Variants in IKZF2 observed in about 807,000 individuals in gnomAD.
IKZF2 encodes zinc finger protein Helios.
In IKZF2, 15 loss-of-function variants were observed where a neutral mutation model predicts 49.2. The observed-to-expected ratio is 0.30, with a 90% confidence interval of 0.20 to 0.47. The LOEUF (loss-of-function observed/expected upper bound fraction) is 0.47. IKZF2 is among the 20% of genes least tolerant of loss of function. The pLI, the probability that IKZF2 is intolerant of heterozygous loss-of-function variation, is 1.00. For synonymous variants in IKZF2, 227 were observed against 221.4 expected (o/e 1.03, Z -0.23); for missense variants, 567 against 664.6 (o/e 0.85, Z 1.61).
At chr2:213,058,349 T>C (rs188458191) in intron 4 of IKZF2, among the ~76,000 whole-genome samples, 24 of 152,138 alleles carry the variant, frequency 1.6e-4, no homozygotes, top group Admixed American at 1.4e-3. Context: ...ACGAGGATAG[T>C]GAGGAACTTA....
intron 7 of IKZF2, among the ~76,000 whole-genome samples, chr2:213,016,728 T>A (rs574719489): frequency 6.6e-6 from 1 of 152,128 alleles, no homozygotes; most frequent in Non-Finnish European, 1.5e-5. Context: ...TTCCATTAGA[T>A]CACTGTTTCA....
chr2:213,080,830 A>C (rs1703862709), intron 4 of IKZF2, among the ~76,000 whole-genome samples: 1 of 151,382 alleles, frequency 6.6e-6, no homozygotes, highest in East Asian at 1.9e-4. Context: ...ATTGCAACAC[A>C]TATGGAAGGA....
chr2:213,002,943 T>C lies in IKZF2; in HGVS notation c.*4417A>G, dbSNP rs1695027716. On this transcript the variant is annotated 3_prime_UTR_variant, in exon 9 of 9. Transcript: ENST00000434687. Reference sequence around the variant, plus strand: ...TCACAGGTAAAGTTTCACTCTATATTTTACCTGCATAATCTTGTAATCATA... The same window carrying C: ...TCACAGGTAAAGTTTCACTCTATATCTTACCTGCATAATCTTGTAATCATA... The C allele has an allele frequency of 6.6e-6, 1 of 151,944 alleles. No individual in the cohort carries two copies. Among genetic ancestry groups the C allele is most frequent in the Admixed American group, 6.6e-5 (1 of 15,180 alleles). The allele number at this position is 151,944 out of a possible 1,614,324, so 9.4% of individuals were successfully genotyped here.
intron 6 of IKZF2, among the ~76,000 whole-genome samples, chr2:213,029,614 G>C (rs369587486): frequency 6.6e-6 from 1 of 151,676 alleles, no homozygotes; most frequent in South Asian, 2.1e-4. Flanking sequence ...CTTACTAATG[G>C]TATGCCCAAC....
chr2:213,069,367 A>C (rs1401682792), intron 4 of IKZF2, among the ~76,000 whole-genome samples: 4 of 152,154 alleles, frequency 2.6e-5, no homozygotes, highest in Non-Finnish European at 5.9e-5. Flanking sequence ...ATAACCATTA[A>C]AAGTTATTTT....
At chr2:213,136,720 TAAAG>T (rs2060690313) in intron 4 of IKZF2, among the ~76,000 whole-genome samples, 1 of 152,170 alleles carries the variant, frequency 6.6e-6, no homozygotes, top group Admixed American at 6.5e-5. Context: ...GTAAGAGACT[TAAAG>T]AATGTAGAAC....
intron 4 of IKZF2, among the ~76,000 whole-genome samples, chr2:213,080,821 T>C (rs1481396284): frequency 6.6e-6 from 1 of 151,828 alleles, no homozygotes; most frequent in Non-Finnish European, 1.5e-5. Context: ...GGTTTGACAA[T>C]TGCAACACAT....
chr2:213,001,928 G>A lies in IKZF2; in HGVS notation c.*5432C>T, dbSNP rs1340728152. On this transcript the variant is annotated 3_prime_UTR_variant, in exon 9 of 9. Transcript: ENST00000434687. ...CAAAAAAACCCAGATCCCTTCCCTTGTTACAGTGTAGTCATTTTTTAAAAA... is the reference window on the plus strand; with the variant it reads ...CAAAAAAACCCAGATCCCTTCCCTTATTACAGTGTAGTCATTTTTTAAAAA... 1.3e-5 allele frequency: 2 copies of A among 151,726 alleles called. No homozygotes were observed. Among genetic ancestry groups the A allele is most frequent in the Admixed American group, 1.3e-4 (2 of 15,142 alleles). 9.4% of individuals were successfully genotyped at this position (151,726 alleles called of 1,614,324 possible).
intron 4 of IKZF2, among the ~76,000 whole-genome samples, chr2:213,099,666 A>G (rs988854109): frequency 6.6e-6 from 1 of 152,148 alleles, no homozygotes; most frequent in Admixed American, 6.6e-5. Context: ...CTCATTTAAA[A>G]GAAAAAACGT....
intron 4 of IKZF2, among the ~76,000 whole-genome samples, chr2:213,094,342 C>T (rs142481061): frequency 4.2e-4 from 64 of 152,214 alleles, no homozygotes; most frequent in African/African-American, 1.5e-3. Context: ...GTGATAGCTA[C>T]GTATTTAACA....
rs1162265995 is a variant in IKZF2, at chr2:213,151,413, C to G, written c.-120G>C. 6.6e-6 allele frequency: 1 copy of G among 152,482 alleles called. No individual in the cohort carries two copies. Among genetic ancestry groups the G allele is most frequent in the African/African-American group, 2.4e-5 (1 of 41,420 alleles). The allele number at this position is 152,482 out of a possible 1,614,324, so 9.4% of individuals were successfully genotyped here. ...ACGCAAAAGCCAAGCGGAGATTTAC[C>G]TCAGCAGTGCATGCAGTAAAATAAT... On this transcript the variant is annotated splice_region_variant and 5_prime_UTR_variant, in exon 1 of 9. Transcript: ENST00000434687.
intron 4 of IKZF2, among the ~76,000 whole-genome samples, chr2:213,118,109 T>G (rs2059935235): frequency 6.6e-6 from 1 of 152,204 alleles, no homozygotes; most frequent in Admixed American, 6.5e-5. Flanking sequence ...TAATGACTTT[T>G]TACTCTGTCT....
At chr2:213,068,912 AACACACACACACAC>A (rs3069572) in intron 4 of IKZF2, among the ~76,000 whole-genome samples, 3 of 147,292 alleles carry the variant, frequency 2.0e-5, no homozygotes, top group South Asian at 4.4e-4. Flanking sequence ...GGAGGGAGAA[AACACACACACACAC>A]ACACACACAC....
Position 213,064,846 on chromosome 2 carries a change from T to C in IKZF2, c.140-7747A>G, listed in dbSNP as rs1028403576. On this transcript the variant is annotated intron_variant, in intron 4 of 8. Transcript: ENST00000434687. ...CTAACTGGTCTCTTTCCTTCAAACT[T>C]TTGCCACACTCTTCTCCCCCAATTC... Among the ~76,000 whole-genome samples, 5 of 151,924 alleles carry C rather than the reference T, an allele frequency of 3.3e-5. 1 individual carries two copies. The highest frequency in any genetic ancestry group is 5.9e-5 in the Non-Finnish European group (4 of 67,926).
intron 4 of IKZF2, among the ~76,000 whole-genome samples, chr2:213,120,334 A>G (rs903583709): frequency 2.6e-5 from 4 of 152,252 alleles, no homozygotes; most frequent in African/African-American, 9.6e-5. Flanking sequence ...AAGCAGTTAC[A>G]CTGGACCTTT....
Position 213,077,050 on chromosome 2 carries a change from CT to C in IKZF2, c.140-19952del, listed in dbSNP as rs1334501929. On this transcript the variant is annotated intron_variant, in intron 4 of 8. Coordinates refer to ENST00000434687, the MANE Select transcript of IKZF2 (RefSeq NM_001387220.1). ...CACAGGTACAAGTTTACCAAAAGGA[CT>C]GTGGAATATCTTTATGCAAGCTGCT... 9.8e-5 allele frequency among the ~76,000 whole-genome samples: 15 copies of C among 152,294 alleles called. 1 individual carries two copies. The highest frequency in any genetic ancestry group is 2.1e-4 in the Non-Finnish European group (14 of 68,026).
intron 4 of IKZF2, among the ~76,000 whole-genome samples, chr2:213,125,794 T>C (rs1017062583): frequency 8.5e-5 from 13 of 152,060 alleles, no homozygotes; most frequent in African/African-American, 2.9e-4. Flanking sequence ...ATAAAGGTAT[T>C]ATATGCACCC....
At chr2:213,022,488 A>G (rs572832023) in intron 6 of IKZF2, among the ~76,000 whole-genome samples, 154 of 128,466 alleles carry the variant, frequency 1.2e-3, no homozygotes, top group African/African-American at 3.9e-3. Flanking sequence ...AGATACATCA[A>G]GAGTTGTGGT....
intron 4 of IKZF2, among the ~76,000 whole-genome samples, chr2:213,057,426 C>T (rs555918954): frequency 6.6e-6 from 1 of 152,056 alleles, no homozygotes; most frequent in African/African-American, 2.4e-5. Flanking sequence ...ACTAAGACTC[C>T]TAGGACTGAG....
Sources: allele counts gnomAD v4.1 joint callset (sites outside exome capture counted in the v4.1 genomes callset), GRCh38; gene constraint gnomAD v4.1.1; transcripts MANE v1.5; gene names NCBI Gene and HGNC (gene_info 2026-07-23, HGNC 2026-07-21).